The following KIF17 variants were observed in gnomAD, a reference collection of about 807,000 sequenced individuals.
KIF17 encodes kinesin family member 17, also known as kinesin-like protein KIF17.
Under a neutral mutation model 96.8 loss-of-function variants are expected in KIF17, and 80 were observed. The ratio of observed to expected loss-of-function variants is 0.83; its 90% confidence interval spans 0.69 to 1.00. The LOEUF (loss-of-function observed/expected upper bound fraction) is 1.00, where lower values mean the gene tolerates loss of function less well. KIF17 is among the 50% of genes least tolerant of loss of function. The pLI, the probability that KIF17 is intolerant of heterozygous loss-of-function variation, is 0.00. For synonymous variants in KIF17, 567 were observed against 587.5 expected (o/e 0.97, Z 0.51); for missense variants, 1,280 against 1,372.9 (o/e 0.93, Z 1.07).
In KIF17 at chr1:20,684,917, T is replaced by C. The variant is rs1467934221; in HGVS notation, c.2123A>G (p.Glu708Gly). Residue 708 changes from glutamate to glycine, a missense_variant, in exon 10 of 15, where the codon GAG (glutamate) becomes GGG (glycine). By Grantham distance (98) the Glu-to-Gly change is moderately conservative. Transcript: ENST00000400463. ...CACACCAGCTGTGGCCGGCAGGGGC[T>C]CAGGCTGAGCCACCAGGGCCACCGG... ...QAPVALVAQP[E>G]PLPATAGVKR... is the part of the protein sequence containing the mutation. 2 of 1,595,576 alleles carry C rather than the reference T, an allele frequency of 1.3e-6. No homozygotes were observed. Among genetic ancestry groups the C allele is most frequent in the East Asian group, 4.6e-5 (2 of 43,710 alleles).
chr1:20,680,538 C>G (rs1460690357), intron 11 of KIF17, among the ~76,000 whole-genome samples: 1 of 152,100 alleles, frequency 6.6e-6, no homozygotes, highest in Non-Finnish European at 1.5e-5. Context: ...GATCGTGCCA[C>G]TGCACTTCAG....
Position 20,700,458 on chromosome 1 carries a change from AC to A in KIF17, c.1124-1971del, listed in dbSNP as rs2054214057. On this transcript the variant is annotated intron_variant, in intron 5 of 14. Transcript: ENST00000400463. This position sits in a 1 kb window ranked among gnomAD's most constrained non-coding sequence, Gnocchi z 4.6. ...GAGAGAACGTGAGAAGCCAGGGGCG[AC>A]CCCAAGTGTCTGGTTTGAACACCTG... 6.6e-6 allele frequency among the ~76,000 whole-genome samples: 1 copy of A among 151,808 alleles called. No homozygotes were observed. Among genetic ancestry groups the A allele is most frequent in the Non-Finnish European group, 1.5e-5 (1 of 67,978 alleles).
chr1:20,677,512 C>T (rs2053758469), intron 11 of KIF17, among the ~76,000 whole-genome samples: 1 of 152,186 alleles, frequency 6.6e-6, no homozygotes, highest in African/African-American at 2.4e-5. Flanking sequence ...AGAGGACTGA[C>T]TCAATAAGCA....
intron 3 of KIF17, among the ~76,000 whole-genome samples, chr1:20,713,227 C>T (rs1247595415): frequency 6.6e-6 from 1 of 151,136 alleles, no homozygotes; most frequent in East Asian, 1.9e-4. Flanking sequence ...AACTCCTGAC[C>T]TCAAGTGATC....
rs2053668514 is a variant in KIF17, at chr1:20,672,662, A to G, written c.2464-466T>C. On this transcript the variant is annotated intron_variant, in intron 11 of 14. Transcript: ENST00000400463. The surrounding 1 kb of genome is among the most constrained non-coding windows in gnomAD (Gnocchi z 4.3). ...CAGGCACAAACTCTCCGACTTGACAATCCTCACTCTCCCACTGCCACAGCC... is the reference window on the plus strand; with the variant it reads ...CAGGCACAAACTCTCCGACTTGACAGTCCTCACTCTCCCACTGCCACAGCC... Among the ~76,000 whole-genome samples the G allele has an allele frequency of 6.6e-6, 1 of 152,174 alleles. No individual in the cohort carries two copies. Among genetic ancestry groups the G allele is most frequent in the Admixed American group, 6.6e-5 (1 of 15,266 alleles).
At position 20,717,904 on chromosome 1, in the gene KIF17, G is replaced by A. The variant is rs1424914548; in HGVS notation, c.-198C>T. 4.0e-6 allele frequency: 1 copy of A among 253,082 alleles called. No individual in the cohort carries two copies. Among genetic ancestry groups the A allele is most frequent in the Non-Finnish European group, 6.6e-6 (1 of 150,518 alleles). The allele number at this position is 253,082 out of a possible 1,614,324, so 15.7% of individuals were successfully genotyped here. On this transcript the variant is annotated 5_prime_UTR_variant, in exon 1 of 15. Transcript: ENST00000400463. ...CTGGGCGTCGCAGGACCCGAGCCGG[G>A]GCCGCCGCTTCCTCCCGCGCCCGGG...
At chr1:20,705,486 C>CCACA (rs1247883905) in intron 4 of KIF17, among the ~76,000 whole-genome samples, 4 of 152,190 alleles carry the variant, frequency 2.6e-5, no homozygotes, top group African/African-American at 9.6e-5. Flanking sequence ...ATGTTAGAAG[C>CCACA]CACATTTGCT....
chr1:20,705,893 CTTTTTTTTTTTTTT>C (rs747719983), intron 4 of KIF17, among the ~76,000 whole-genome samples: 1 of 53,564 alleles, frequency 1.9e-5, no homozygotes, highest in East Asian at 4.4e-4. Flanking sequence ...TAGGATGTCT[CTTTTTTTTTTTTTT>C]TTTTTTTTTT....
Position 20,666,305 on chromosome 1 carries a change from G to C in KIF17, c.2817C>G (p.Leu939=). Residue 939 remains leucine (L), a synonymous_variant, in exon 14 of 15, where the codon CTC becomes CTG. Transcript: ENST00000400463. The part of the protein sequence containing the change: ...NMEDDRYRLM[L]SRSNSENIAS... ...CAATGTTTTCACTGTTGCTCCGACT[G>C]AGCATGAGCCTGTAGCGGTCGTCCT... 1 of 1,614,128 alleles carries C rather than the reference G, an allele frequency of 6.2e-7. No individual in the cohort carries two copies. The highest frequency in any genetic ancestry group is 8.5e-7 in the Non-Finnish European group (1 of 1,179,936).
Position 20,717,879 on chromosome 1 carries a change from C to T in KIF17, c.-173G>A. The T allele has an allele frequency of 2.7e-6, 1 of 374,318 alleles. No homozygotes were observed. Among genetic ancestry groups the T allele is most frequent in the Non-Finnish European group, 4.0e-6 (1 of 250,386 alleles). 23.2% of individuals were successfully genotyped at this position (374,318 alleles called of 1,614,324 possible). On this transcript the variant is annotated 5_prime_UTR_variant, in exon 1 of 15. Coordinates refer to ENST00000400463, the MANE Select transcript of KIF17 (RefSeq NM_001122819.3). ...CCTCGGGGGGCGCCCCGGAGGGGAG[C>T]TGGGCGTCGCAGGACCCGAGCCGGG...
Position 20,709,893 on chromosome 1 carries a change from C to T in KIF17, c.481-65G>A. On this transcript the variant is annotated intron_variant, in intron 3 of 14. Transcript: ENST00000400463. The surrounding 1 kb of genome is among the most constrained non-coding windows in gnomAD (Gnocchi z 4.7). Reference sequence around the variant, plus strand: ...GCCAAGGGTTAGGACCAGGGATGGTCAAGGAACCAGAGAGAAGGGCCCCAT... The same window carrying T: ...GCCAAGGGTTAGGACCAGGGATGGTTAAGGAACCAGAGAGAAGGGCCCCAT... The T allele has an allele frequency of 6.7e-7, 1 of 1,489,356 alleles. No individual in the cohort carries two copies. Among genetic ancestry groups the T allele is most frequent in the Non-Finnish European group, 9.2e-7 (1 of 1,090,896 alleles). 92.3% of individuals were successfully genotyped at this position (1,489,356 alleles called of 1,614,324 possible).
At position 20,664,780 on chromosome 1, in the gene KIF17, G is replaced by A. The variant is rs56070322; in HGVS notation, c.2909-18C>T. The A allele has an allele frequency of 0.18, 295,915 of 1,610,188 alleles. 28,598 individuals are homozygous for A. Among genetic ancestry groups the A allele is most frequent in the Middle Eastern group, 0.23 (1,021 of 4,444 alleles). ...GTGATGTGCTGTGGGGAAGAGGGCA[G>A]AGGTGCTGGTAAGCCAGGAGCGCAG... On this transcript the variant is annotated intron_variant, in intron 14 of 14. Transcript: ENST00000400463.
chr1:20,683,029 C>G (rs2053860358), intron 10 of KIF17, 145 bp from the exon 11 acceptor site: 1 of 675,712 alleles, frequency 1.5e-6, no homozygotes. Context: ...GGCTCGGCGA[C>G]AGGACGCTGC....
chr1:20,672,669 C>T lies in KIF17; in HGVS notation c.2464-473G>A, dbSNP rs2053668865. ...AAACTCTCCGACTTGACAATCCTCA[C>T]TCTCCCACTGCCACAGCCCTGTGTG... On this transcript the variant is annotated intron_variant, in intron 11 of 14. Coordinates refer to ENST00000400463, the MANE Select transcript of KIF17 (RefSeq NM_001122819.3). This position sits in a 1 kb window ranked among gnomAD's most constrained non-coding sequence, Gnocchi z 4.3. Among the ~76,000 whole-genome samples the T allele has an allele frequency of 6.6e-6, 1 of 152,230 alleles. No individual in the cohort carries two copies. Among genetic ancestry groups the T allele is most frequent in the African/African-American group, 2.4e-5 (1 of 41,458 alleles).
chr1:20,682,159 C>T (rs888394686), intron 11 of KIF17, among the ~76,000 whole-genome samples: 12 of 151,956 alleles, frequency 7.9e-5, no homozygotes, highest in East Asian at 1.9e-4. Flanking sequence ...ACAACATACC[C>T]GCATGCGTGC....
chr1:20,711,722 T>A (rs1223189147), intron 3 of KIF17, among the ~76,000 whole-genome samples: 1 of 152,160 alleles, frequency 6.6e-6, no homozygotes, highest in Non-Finnish European at 1.5e-5. Context: ...AACCTCTTGC[T>A]GGCCTTAGGT....
chr1:20,688,201 C>G (rs2053975261), intron 7 of KIF17, among the ~76,000 whole-genome samples: 1 of 152,114 alleles, frequency 6.6e-6, no homozygotes, highest in South Asian at 2.1e-4. Context: ...CACCCGCCAC[C>G]ATGCCTGGCT....
chr1:20,673,212 T>G (rs1162343009), intron 11 of KIF17, among the ~76,000 whole-genome samples: 1 of 151,874 alleles, frequency 6.6e-6, no homozygotes, highest in Non-Finnish European at 1.5e-5. Flanking sequence ...AGACTCTGTC[T>G]CAAAATAAAT....
At chr1:20,701,656 G>A (rs1353418284) in intron 5 of KIF17, among the ~76,000 whole-genome samples, 1 of 152,194 alleles carries the variant, frequency 6.6e-6, no homozygotes, top group Non-Finnish European at 1.5e-5. Flanking sequence ...TGGGGAGGCA[G>A]GAAGGGAGCC....
Sources: gnomAD v4.1 joint callset for allele counts (sites outside exome capture counted in the v4.1 genomes callset) on GRCh38, gnomAD v4.1.1 for gene constraint, Gnocchi (gnomAD v3.1) non-coding constraint, MANE v1.5 for transcripts, NCBI Gene and HGNC (gene_info 2026-07-23, HGNC 2026-07-21) for gene names.